OR6C1: variants seen among roughly 807,000 people sequenced by gnomAD.
The protein encoded by OR6C1 is olfactory receptor 6C1.
For synonymous variants in OR6C1, 157 were observed against 133.3 expected (o/e 1.18, Z -1.22); for missense variants, 386 against 366.1 (o/e 1.05, Z -0.44).
Position 55,320,675 on chromosome 12 carries a change from T to A in OR6C1, c.76T>A (p.Phe26Ile). 1 of 1,613,826 alleles carries A rather than the reference T, an allele frequency of 6.2e-7. No individual in the cohort carries two copies. The highest frequency in any genetic ancestry group is 1.1e-5 in the South Asian group (1 of 91,070). The change falls in exon 2 of 2, where the codon TTT becomes ATT. Residue 26 changes from phenylalanine to isoleucine, a missense_variant. Physicochemically the swap from Phe to Ile is conservative, Grantham distance 21 (BLOSUM62 0). Transcript: ENST00000642104. Reference sequence around the variant, plus strand: ...TGACCCAAATTTTCAGGTTGTAATCTTTGTCTTCCTGCTCATCACCTACAT... The same window carrying A: ...TGACCCAAATTTTCAGGTTGTAATCATTGTCTTCCTGCTCATCACCTACAT... ...TDDPNFQVVI[F>I]VFLLITYMLS...
chr12:55,318,764 C>G (rs1868464380), intron 1 of OR6C1, among the ~76,000 whole-genome samples: 1 of 150,858 alleles, frequency 6.6e-6, no homozygotes, highest in East Asian at 1.9e-4. Flanking sequence ...TTAATGCTCA[C>G]AAAAACTATG....
chr12:55,317,133 C>A (rs1439231563), intron 1 of OR6C1, among the ~76,000 whole-genome samples: 2 of 151,326 alleles, frequency 1.3e-5, no homozygotes, highest in African/African-American at 4.9e-5. Flanking sequence ...AAACTTGAGT[C>A]TCTCATGTCA....
intron 1 of OR6C1, among the ~76,000 whole-genome samples, chr12:55,317,254 A>G (rs1349992806): frequency 6.6e-6 from 1 of 152,012 alleles, no homozygotes; most frequent in African/African-American, 2.4e-5. Flanking sequence ...CTTTTAATGA[A>G]AAATAAACCC....
intron 1 of OR6C1, among the ~76,000 whole-genome samples, chr12:55,317,416 C>G (rs1033291274): frequency 2.0e-5 from 3 of 151,924 alleles, no homozygotes. Context: ...CTTTTCATAT[C>G]TTTTGTTTTA....
chr12:55,317,906 C>T (rs1167136297), intron 1 of OR6C1, among the ~76,000 whole-genome samples: 5 of 147,400 alleles, frequency 3.4e-5, no homozygotes, highest in Non-Finnish European at 7.4e-5. Context: ...ATGTATTACC[C>T]ACAATGCTAA....
Position 55,321,626 on chromosome 12 carries a change from C to A in OR6C1, c.*88C>A. The A allele has an allele frequency of 1.4e-6, 1 of 731,532 alleles. No homozygotes were observed. Among genetic ancestry groups the A allele is most frequent in the Non-Finnish European group, 2.2e-6 (1 of 461,548 alleles). 45.3% of individuals were successfully genotyped at this position (731,532 alleles called of 1,614,324 possible). A position where few individuals can be genotyped will look rare whatever the true frequency, so the allele number is the denominator to read the frequency against. ...TCAATCAAAATGGCCTCCTTGCAGT[C>A]TTCTGCATCATTTTCTTTTCCCTAA... On this transcript the variant is annotated 3_prime_UTR_variant, in exon 2 of 2. Transcript: ENST00000642104.
intron 1 of OR6C1, among the ~76,000 whole-genome samples, chr12:55,318,010 TAA>T (rs1193546496): frequency 9.4e-4 from 140 of 148,256 alleles, no homozygotes; most frequent in African/African-American, 3.4e-3. Flanking sequence ...TACACACACA[TAA>T]ATACACACAC....
Position 55,321,229 on chromosome 12 carries a change from A to G in OR6C1, c.630A>G (p.Ala210=). The change falls in exon 2 of 2, where the codon GCA becomes GCG. Residue 210 remains alanine (A), a synonymous_variant. Transcript: ENST00000642104. ...CGTTTACTCTAATGTTCACTTTGGC[A>G]TTAATATTTCTGTCCTACATATACA... The part of the protein sequence containing the change: ...CAAFTLMFTL[A]LIFLSYIYII... 1 of 1,614,008 alleles carries G rather than the reference A, an allele frequency of 6.2e-7. No individual in the cohort carries two copies. The highest frequency in any genetic ancestry group is 1.1e-5 in the South Asian group (1 of 91,084).
chr12:55,318,433 C>G (rs1234234527), intron 1 of OR6C1, among the ~76,000 whole-genome samples: 1 of 151,794 alleles, frequency 6.6e-6, no homozygotes, highest in African/African-American at 2.4e-5. Context: ...ATGTGACTCT[C>G]TTGGTGCCAA....
Position 55,320,866 on chromosome 12 carries a change from C to T in OR6C1, c.267C>T (p.Thr89=), listed in dbSNP as rs751164608. Residue 89 remains threonine, a synonymous_variant, in exon 2 of 2, where the codon ACC becomes ACT. Transcript: ENST00000642104. ...FLGNIISGDK[T]ISFNNCIVQL... ...GTAACATTATTTCAGGAGATAAAAC[C>T]ATTTCCTTTAATAATTGCATAGTTC... The T allele has an allele frequency of 1.9e-6, 3 of 1,613,642 alleles. No individual in the cohort carries two copies. The highest frequency in any genetic ancestry group is 1.3e-5 in the African/African-American group (1 of 74,994).
At chr12:55,317,968 C>CAT (rs1046475411) in intron 1 of OR6C1, among the ~76,000 whole-genome samples, 1 of 144,568 alleles carries the variant, frequency 6.9e-6, no homozygotes, top group South Asian at 2.1e-4. Context: ...CACACACACA[C>CAT]ATATATACAC....
chr12:55,320,505 C>T (rs962823750), intron 1 of OR6C1, 62 bp from the exon 2 acceptor site: 12 of 744,966 alleles, frequency 1.6e-5, no homozygotes, highest in East Asian at 5.1e-5. Context: ...ACTCCAGCTC[C>T]GTACTTGGAT....
chr12:55,315,631 CA>C lies in OR6C1; in HGVS notation c.-34+1033del, dbSNP rs1485609367. Among the ~76,000 whole-genome samples, 4 of 151,466 alleles carry C rather than the reference CA, an allele frequency of 2.6e-5. No homozygotes were observed. The East Asian group carries it at 7.7e-4, about 29-fold the overall frequency. On this transcript the variant is annotated intron_variant, in intron 1 of 1. Coordinates refer to ENST00000642104, the MANE Select transcript of OR6C1 (RefSeq NM_001005182.2). ...ATTCCTATTTCTCCGGGGAAATAGTCATCTAAAATTGTTATAAAAACAGTAA... is the reference window on the plus strand; with the variant it reads ...ATTCCTATTTCTCCGGGGAAATAGTCTCTAAAATTGTTATAAAAACAGTAA...
At position 55,320,659 on chromosome 12, in the gene OR6C1, T is replaced by G. The variant is rs146587444; in HGVS notation, c.60T>G (p.Asn20Lys). The G allele has an allele frequency of 2.0e-5, 33 of 1,613,510 alleles. No individual in the cohort carries two copies. Among genetic ancestry groups the G allele is most frequent in the Non-Finnish European group, 2.6e-5 (31 of 1,179,726 alleles). Reference sequence around the variant, plus strand: ...TTCTGGGATTAACAGATGACCCAAATTTTCAGGTTGTAATCTTTGTCTTCC... The same window carrying G: ...TTCTGGGATTAACAGATGACCCAAAGTTTCAGGTTGTAATCTTTGTCTTCC... ...FILLGLTDDP[N>K]FQVVIFVFLL... is the part of the protein sequence containing the mutation. The change falls in exon 2 of 2, where the codon AAT becomes AAG. Residue 20 changes from asparagine to lysine, a missense_variant. Coordinates refer to ENST00000642104, the MANE Select transcript of OR6C1 (RefSeq NM_001005182.2).
At chr12:55,316,109 A>G (rs1249517637) in intron 1 of OR6C1, among the ~76,000 whole-genome samples, 1 of 139,626 alleles carries the variant, frequency 7.2e-6, no homozygotes, top group Non-Finnish European at 1.5e-5. Context: ...ACACACACAC[A>G]CACACACACA....
chr12:55,320,572 GC>G lies in OR6C1; in HGVS notation c.-27del, dbSNP rs1868513947. Reference sequence around the variant, plus strand: ...CTTTGTACTTTCTCTTGTAGGTCTGGCAGGGGAAAAAAGAAAGCAACTGAAG... The same window carrying G: ...CTTTGTACTTTCTCTTGTAGGTCTGGAGGGGAAAAAAGAAAGCAACTGAAG... On this transcript the variant is annotated 5_prime_UTR_variant, in exon 2 of 2. The change creates a premature stop within an existing upstream ORF in the 5' untranslated region. Transcript: ENST00000642104. The G allele has an allele frequency of 1.7e-5, 23 of 1,318,730 alleles. No homozygotes were observed. In the East Asian group the frequency reaches 5.0e-4, roughly 29 times the overall value. 81.7% of individuals were successfully genotyped at this position (1,318,730 alleles called of 1,614,324 possible). A position where few individuals can be genotyped will look rare whatever the true frequency, so the allele number is the denominator to read the frequency against.
chr12:55,321,211 T>A lies in OR6C1; in HGVS notation c.612T>A (p.Thr204=), dbSNP rs1379178876. ...TGGGATTTTCTTGTGCTGCGTTTAC[T>A]CTAATGTTCACTTTGGCATTAATAT... The part of the protein sequence containing the change: ...EVMGFSCAAF[T]LMFTLALIFL... Residue 204 remains threonine, a synonymous_variant, in exon 2 of 2, where the codon ACT becomes ACA. Transcript: ENST00000642104. 6.2e-7 allele frequency: 1 copy of A among 1,614,012 alleles called. No homozygotes were observed. The highest frequency in any genetic ancestry group is 1.7e-5 in the Admixed American group (1 of 60,020).
Position 55,321,244 on chromosome 12 carries a change from C to A in OR6C1, c.645C>A (p.Ser215=), listed in dbSNP as rs1215933566. Residue 215 remains serine (S), a synonymous_variant, in exon 2 of 2, where the codon TCC becomes TCA. Transcript: ENST00000642104. ...TCACTTTGGCATTAATATTTCTGTC[C>A]TACATATACATTATCAGAACAATTT... The part of the protein sequence containing the change: ...LMFTLALIFL[S]YIYIIRTILR... 1.2e-6 allele frequency: 2 copies of A among 1,613,730 alleles called. No individual in the cohort carries two copies. The highest frequency in any genetic ancestry group is 2.7e-5 in the African/African-American group (2 of 74,894).
At chr12:55,318,637 TATAAAA>T (rs1408039264) in intron 1 of OR6C1, among the ~76,000 whole-genome samples, 5 of 147,924 alleles carry the variant, frequency 3.4e-5, no homozygotes, top group Middle Eastern at 3.6e-3. Context: ...AATTTATTTA[TATAAAA>T]ATATAAATAT....
Sources: allele counts gnomAD v4.1 joint callset (sites outside exome capture counted in the v4.1 genomes callset), GRCh38; gene constraint gnomAD v4.1.1; transcripts MANE v1.5; gene names NCBI Gene and HGNC (gene_info 2026-07-23, HGNC 2026-07-21).